ZNF462: variants seen among roughly 807,000 people sequenced by gnomAD.
ZNF462 encodes the protein zinc finger PBX1-interacting protein.
In ZNF462, 10 loss-of-function variants were observed where a neutral mutation model predicts 201.9. That is an observed-to-expected ratio of 0.05 (90% CI 0.03 to 0.08). The LOEUF (loss-of-function observed/expected upper bound fraction) is 0.08. Among genes scored for constraint, ZNF462 ranks in the 10% least tolerant of loss-of-function variants. ZNF462 has a pLI of 1.00. For missense variants in ZNF462, 2,523 were observed against 3,168.3 expected (o/e 0.80, Z 4.89); for synonymous variants, 1,227 against 1,193.3 (o/e 1.03, Z -0.58).
chr9:106,952,564 T>C (rs1831398895), intron 7 of ZNF462, among the ~76,000 whole-genome samples: 1 of 152,174 alleles, frequency 6.6e-6, no homozygotes, highest in Admixed American at 6.5e-5. Context: ...CTTGTTGATA[T>C]AAATTTATCT....
chr9:106,935,681 G>T lies in ZNF462; in HGVS notation c.6235+60G>T. The T allele has an allele frequency of 1.5e-6, 2 of 1,321,498 alleles. No individual in the cohort carries two copies. Among genetic ancestry groups the T allele is most frequent in the South Asian group, 1.2e-5 (1 of 83,760 alleles). 81.9% of individuals were successfully genotyped at this position (1,321,498 alleles called of 1,614,324 possible). On this transcript the variant is annotated intron_variant, in intron 6 of 12. Transcript: ENST00000277225. This position sits in a 1 kb window ranked among gnomAD's most constrained non-coding sequence, Gnocchi z 4.1. ...GCACTCTCTGAGTTTGAAACCTGATGATCTTTATTGAGTGAAATACTGTCC... is the reference window on the plus strand; with the variant it reads ...GCACTCTCTGAGTTTGAAACCTGATTATCTTTATTGAGTGAAATACTGTCC...
At position 107,009,448 on chromosome 9, in the gene ZNF462, A is replaced by G; in HGVS notation, c.7190-97A>G. On this transcript the variant is annotated intron_variant, in intron 11 of 12. Coordinates refer to ENST00000277225, the MANE Select transcript of ZNF462 (RefSeq NM_021224.6). The surrounding 1 kb of genome is among the most constrained non-coding windows in gnomAD (Gnocchi z 6.1). ...ATTGCTTTCACCACATGGCTTTATC[A>G]GTGAAGGTAGGAGAGAGGGTATCCT... 4.7e-6 allele frequency: 7 copies of G among 1,503,506 alleles called. No homozygotes were observed. Among genetic ancestry groups the G allele is most frequent in the Non-Finnish European group, 4.5e-6 (5 of 1,105,196 alleles). 93.1% of individuals were successfully genotyped at this position (1,503,506 alleles called of 1,614,324 possible). A position where few individuals can be genotyped will look rare whatever the true frequency, so the allele number is the denominator to read the frequency against.
Position 106,928,460 on chromosome 9 carries a change from A to G in ZNF462, c.4548A>G (p.Lys1516=). 1 of 1,614,162 alleles carries G rather than the reference A, an allele frequency of 6.2e-7. No homozygotes were observed. Among genetic ancestry groups the G allele is most frequent in the Middle Eastern group, 1.6e-4 (1 of 6,062 alleles). The change falls in exon 3 of 13, where the codon AAA becomes AAG. Residue 1516 remains lysine (K), a synonymous_variant. Transcript: ENST00000277225. This position sits in a 1 kb window ranked among gnomAD's most constrained non-coding sequence, Gnocchi z 9.3. ...ACATCAACCCAGGTGCCGTCTACAA[A>G]TGCAGGCATTGCCCATACATCAACA... ...DIDINPGAVY[K]CRHCPYINTR...
At chr9:106,973,095 A>G (rs1826716510) in intron 8 of ZNF462, among the ~76,000 whole-genome samples, 1 of 152,228 alleles carries the variant, frequency 6.6e-6, no homozygotes, top group Non-Finnish European at 1.5e-5. Flanking sequence ...GAACCAGTGT[A>G]TCTTGAAGTA....
chr9:106,884,542 C>T (rs1353241131), intron 1 of ZNF462, among the ~76,000 whole-genome samples: 2 of 152,070 alleles, frequency 1.3e-5, no homozygotes, highest in Admixed American at 1.3e-4. Flanking sequence ...CCACCACCAT[C>T]CACCTCTGCC....
chr9:106,915,839 G>A lies in ZNF462; in HGVS notation c.-30-7515G>A, dbSNP rs187791330. Among the ~76,000 whole-genome samples the A allele has an allele frequency of 1.0e-3, 157 of 152,318 alleles. 2 individuals carry two copies. Among genetic ancestry groups the A allele is most frequent in the African/African-American group, 3.4e-3 (140 of 41,572 alleles). On this transcript the variant is annotated intron_variant, in intron 1 of 12. Coordinates refer to ENST00000277225, the MANE Select transcript of ZNF462 (RefSeq NM_021224.6). ...TAGTTATATTAGAAACCATGGTTTGGAGAAAGACACACAGACAGGCAGATC... is the reference window on the plus strand; with the variant it reads ...TAGTTATATTAGAAACCATGGTTTGAAGAAAGACACACAGACAGGCAGATC...
chr9:107,000,863 C>G (rs1829134563), intron 10 of ZNF462, among the ~76,000 whole-genome samples: 1 of 152,106 alleles, frequency 6.6e-6, no homozygotes, highest in Admixed American at 6.5e-5. Flanking sequence ...CTCCTTCTGT[C>G]ACCAAGAGCT....
At chr9:106,889,872 C>A (rs569169425) in intron 1 of ZNF462, among the ~76,000 whole-genome samples, 1 of 152,314 alleles carries the variant, frequency 6.6e-6, no homozygotes, top group Admixed American at 6.5e-5. Context: ...ACGATCAACT[C>A]CCCCAAATAA....
In ZNF462 at chr9:106,935,661, C is replaced by CT; in HGVS notation, c.6235+41dup. On this transcript the variant is annotated intron_variant, in intron 6 of 12. Coordinates refer to ENST00000277225, the MANE Select transcript of ZNF462 (RefSeq NM_021224.6). The surrounding 1 kb of genome is among the most constrained non-coding windows in gnomAD (Gnocchi z 4.1). The stretch of plus-strand genomic sequence containing the variant: ...GATGATGCACAAGTTCTTTAGCACT[C>CT]TCTGAGTTTGAAACCTGATGATCTT... 6.5e-7 allele frequency: 1 copy of CT among 1,533,524 alleles called. No individual in the cohort carries two copies. The highest frequency in any genetic ancestry group is 9.0e-7 in the Non-Finnish European group (1 of 1,107,808). 95.0% of individuals were successfully genotyped at this position (1,533,524 alleles called of 1,614,324 possible).
chr9:107,010,877 C>A lies in ZNF462; in HGVS notation c.7368C>A (p.Ile2456=), dbSNP rs1478752726. The A allele has an allele frequency of 6.2e-7, 1 of 1,613,384 alleles. No individual in the cohort carries two copies. The highest frequency in any genetic ancestry group is 1.1e-5 in the South Asian group (1 of 91,042). The change falls in exon 13 of 13, where the codon ATC becomes ATA. Residue 2456 remains isoleucine (I), a synonymous_variant. Coordinates refer to ENST00000277225, the MANE Select transcript of ZNF462 (RefSeq NM_021224.6). This position sits in a 1 kb window ranked among gnomAD's most constrained non-coding sequence, Gnocchi z 4.6. ...GAGAAGAAATCCACCCAAAAGAGATCATGGAGAACAGTGTTAAAATGCCCT... is the reference window on the plus strand; with the variant it reads ...GAGAAGAAATCCACCCAAAAGAGATAATGGAGAACAGTGTTAAAATGCCCT... The part of the protein sequence containing the change: ...VSREEIHPKE[I]MENSVKMPSI...
chr9:107,007,698 GC>G (rs1359531420), intron 11 of ZNF462, among the ~76,000 whole-genome samples: 2 of 152,128 alleles, frequency 1.3e-5, no homozygotes, highest in African/African-American at 4.8e-5. Flanking sequence ...ACACACAATA[GC>G]CTCGGGTGTT....
chr9:106,976,752 G>A (rs1168053825), intron 9 of ZNF462: 5 of 152,158 alleles, frequency 3.3e-5, no homozygotes, highest in Admixed American at 6.5e-5. Flanking sequence ...TGCCTAGCAG[G>A]TACTGTGCTA....
chr9:106,957,982 T>C (rs1352796982), intron 7 of ZNF462, among the ~76,000 whole-genome samples: 2 of 152,048 alleles, frequency 1.3e-5, no homozygotes, highest in Non-Finnish European at 2.9e-5. Context: ...ATAGTCCATT[T>C]GAGATGTGAA....
At chr9:106,882,377 T>C (rs891530833) in intron 1 of ZNF462, among the ~76,000 whole-genome samples, 2 of 152,232 alleles carry the variant, frequency 1.3e-5, no homozygotes, top group African/African-American at 4.8e-5. Flanking sequence ...TGCCTACATA[T>C]CTGAAACAGA....
intron 1 of ZNF462, among the ~76,000 whole-genome samples, chr9:106,914,760 T>C (rs986902581): frequency 1.3e-5 from 2 of 152,026 alleles, no homozygotes; most frequent in South Asian, 2.1e-4. Flanking sequence ...GGAAATAAAG[T>C]AGTGGATTGT....
intron 7 of ZNF462, among the ~76,000 whole-genome samples, chr9:106,944,083 A>C (rs774337220): frequency 4.6e-5 from 7 of 152,202 alleles, no homozygotes; most frequent in Non-Finnish European, 1.0e-4. Flanking sequence ...TGTCCCTCAG[A>C]ATGATATAGA....
chr9:106,971,711 G>A (rs537858678), intron 7 of ZNF462, among the ~76,000 whole-genome samples: 2 of 152,246 alleles, frequency 1.3e-5, no homozygotes, highest in South Asian at 2.1e-4. Flanking sequence ...TGAAATTTGT[G>A]TGGTGTACTT....
Position 106,984,416 on chromosome 9 carries a change from A to G in ZNF462, c.7056+7A>G. ...CCTTCGGGATGAGCATAAGGTACTT[A>G]CCAGGACTTCCTGCTCCCGCCTCAG... On this transcript the variant is annotated splice_region_variant and intron_variant, in intron 10 of 12. Transcript: ENST00000277225. The surrounding 1 kb of genome is among the most constrained non-coding windows in gnomAD (Gnocchi z 6.4). 6.2e-7 allele frequency: 1 copy of G among 1,606,890 alleles called. No individual in the cohort carries two copies. Among genetic ancestry groups the G allele is most frequent in the Non-Finnish European group, 8.5e-7 (1 of 1,176,456 alleles).
rs1829847719 is a variant in ZNF462 at position 107,010,225 on chromosome 9, A to C, written c.7313+557A>C. ...AGAGAACCTAGGATGTGGTCTTTTC[A>C]GGAGGAAACATGGCTTGTGTGGTGA... On this transcript the variant is annotated intron_variant, in intron 12 of 12. Coordinates refer to ENST00000277225, the MANE Select transcript of ZNF462 (RefSeq NM_021224.6). This position sits in a 1 kb window ranked among gnomAD's most constrained non-coding sequence, Gnocchi z 4.6. Among the ~76,000 whole-genome samples the C allele has an allele frequency of 6.6e-6, 1 of 152,162 alleles. No individual in the cohort carries two copies. The highest frequency in any genetic ancestry group is 1.9e-4 in the East Asian group (1 of 5,186).
Sources: gnomAD v4.1 joint callset for allele counts (sites outside exome capture counted in the v4.1 genomes callset) on GRCh38, gnomAD v4.1.1 for gene constraint, Gnocchi (gnomAD v3.1) non-coding constraint, MANE v1.5 for transcripts, NCBI Gene and HGNC (gene_info 2026-07-23, HGNC 2026-07-21) for gene names.